Variants in ST6GAL1 observed in about 807,000 individuals in gnomAD.
ST6GAL1 encodes ST6 beta-galactoside alpha-2,6-sialyltransferase 1.
Under a neutral mutation model 38.0 loss-of-function variants are expected in ST6GAL1, and 20 were observed. That is an observed-to-expected ratio of 0.53 (90% CI 0.37 to 0.77). The LOEUF is 0.77. Ranked by LOEUF, ST6GAL1 falls within the 30% of genes least tolerant of loss-of-function variation. The probability of loss-of-function intolerance (pLI) is 0.00; values close to 1 mark genes in which losing one functional copy is unlikely to be tolerated. For missense variants in ST6GAL1, 432 were observed against 496.4 expected (o/e 0.87, Z 1.23); for synonymous variants, 196 against 188.2 (o/e 1.04, Z -0.34).
intron 2 of ST6GAL1, among the ~76,000 whole-genome samples, chr3:186,993,556 TTTTATTTATTTA>T (rs71167027): frequency 0.025 from 2,210 of 88,218 alleles, 40 homozygotes; most frequent in African/African-American, 0.056. Flanking sequence ...CTTGACAGAG[TTTTATTTATTTA>T]TTTATTTATT....
At position 187,076,116 on chromosome 3, in the gene ST6GAL1, C is replaced by A; in HGVS notation, c.*313C>A. On this transcript the variant is annotated 3_prime_UTR_variant, in exon 8 of 8. Coordinates refer to ENST00000169298, the MANE Select transcript of ST6GAL1 (RefSeq NM_173216.2). ...GGTCTATCTCTCCCATCAGGGCTGC[C>A]AAAGCTGGGCTTTGTTTTTCCCAGC... is the stretch of plus-strand genomic sequence containing the variant. The A allele has an allele frequency of 3.1e-6, 1 of 320,102 alleles. No individual in the cohort carries two copies. The highest frequency in any genetic ancestry group is 5.7e-5 in the South Asian group (1 of 17,524). The allele number at this position is 320,102 out of a possible 1,614,324, so 19.8% of individuals were successfully genotyped here.
At chr3:186,966,894 A>G (rs1715149558) in intron 2 of ST6GAL1, among the ~76,000 whole-genome samples, 1 of 152,212 alleles carries the variant, frequency 6.6e-6, no homozygotes, top group African/African-American at 2.4e-5. Context: ...GGAAGAGATT[A>G]TTCCTCTGGC....
In ST6GAL1 at chr3:187,005,510, C is replaced by T. The variant is rs1398147215; in HGVS notation, c.-182-33232C>T. ...CAGGATGGTCTCGATCTCCTGACCT[C>T]GTGATCTGCCCGCCTCGGCCTCCCA... is the stretch of plus-strand genomic sequence containing the variant. On this transcript the variant is annotated intron_variant, in intron 2 of 7. Coordinates refer to ENST00000169298, the MANE Select transcript of ST6GAL1 (RefSeq NM_173216.2). 2.6e-5 allele frequency among the ~76,000 whole-genome samples: 4 copies of T among 151,874 alleles called. 1 individual carries two copies. The highest frequency in any genetic ancestry group is 1.9e-4 in the East Asian group (1 of 5,168).
At position 186,977,636 on chromosome 3, in the gene ST6GAL1, C is replaced by T. The variant is rs554812703; in HGVS notation, c.-183+13710C>T. On this transcript the variant is annotated intron_variant, in intron 2 of 7. Transcript: ENST00000169298. ...GGCAACTTGGAAGGAACTGATCAGT[C>T]TCACGCAGGAGACACAGCCGTCCTC... Among the ~76,000 whole-genome samples the T allele has an allele frequency of 7.7e-4, 118 of 152,300 alleles. 6 individuals carry two copies. The South Asian group carries it at 0.023, about 30-fold the overall frequency.
chr3:187,069,606 T>C (rs1390960934), intron 5 of ST6GAL1, among the ~76,000 whole-genome samples: 1 of 152,214 alleles, frequency 6.6e-6, no homozygotes, highest in Non-Finnish European at 1.5e-5. Context: ...AGGAGCTTCT[T>C]TGTGGTCTTC....
In ST6GAL1 at chr3:187,043,102, C is replaced by T. The variant is rs1474451327; in HGVS notation, c.399C>T (p.Ile133=). The change falls in exon 4 of 8, where the codon ATC becomes ATT. Residue 133 remains isoleucine, a synonymous_variant. Coordinates refer to ENST00000169298, the MANE Select transcript of ST6GAL1 (RefSeq NM_173216.2). Reference sequence around the variant, plus strand: ...CCTACAAGGGGCCAGGACCAGGCATCAAGTTCAGTGCAGAGGCCCTGCGCT... The same window carrying T: ...CCTACAAGGGGCCAGGACCAGGCATTAAGTTCAGTGCAGAGGCCCTGCGCT... The part of the protein sequence containing the change: ...KVSYKGPGPG[I]KFSAEALRCH... The T allele has an allele frequency of 6.2e-7, 1 of 1,614,218 alleles. No homozygotes were observed. Among genetic ancestry groups the T allele is most frequent in the Admixed American group, 1.7e-5 (1 of 60,028 alleles).
chr3:187,015,395 A>G (rs1362016794), intron 2 of ST6GAL1, among the ~76,000 whole-genome samples: 1 of 152,210 alleles, frequency 6.6e-6, no homozygotes, highest in Non-Finnish European at 1.5e-5. Context: ...ATGAGATAAA[A>G]TGCTAAGTGT....
intron 1 of ST6GAL1, among the ~76,000 whole-genome samples, chr3:186,961,650 C>T (rs539090473): frequency 1.2e-4 from 19 of 152,196 alleles, no homozygotes; most frequent in African/African-American, 4.6e-4. Flanking sequence ...ATGAGAGTGA[C>T]AGGGCATGAG....
At chr3:187,013,117 G>A (rs1318254910) in intron 2 of ST6GAL1, among the ~76,000 whole-genome samples, 2 of 152,206 alleles carry the variant, frequency 1.3e-5, no homozygotes, top group Non-Finnish European at 2.9e-5. Context: ...GACCTTTAGC[G>A]TCTTAAGTGT....
At chr3:187,009,690 A>G (rs747463797) in intron 2 of ST6GAL1, among the ~76,000 whole-genome samples, 14 of 152,118 alleles carry the variant, frequency 9.2e-5, no homozygotes, top group Non-Finnish European at 2.1e-4. Flanking sequence ...ATGTTTATGA[A>G]TTTATTTTTA....
chr3:186,984,232 G>A (rs1312723344), intron 2 of ST6GAL1, among the ~76,000 whole-genome samples: 1 of 152,146 alleles, frequency 6.6e-6, no homozygotes, highest in Admixed American at 6.5e-5. Flanking sequence ...GCAACCAGCT[G>A]GTCTAAGCCA....
At chr3:187,044,532 G>T (rs547391234) in intron 4 of ST6GAL1, among the ~76,000 whole-genome samples, 10 of 152,288 alleles carry the variant, frequency 6.6e-5, no homozygotes, top group South Asian at 4.1e-4. Flanking sequence ...TGTATTTTTG[G>T]TTTTTCTTGG....
intron 2 of ST6GAL1, among the ~76,000 whole-genome samples, chr3:187,034,162 A>C (rs533781752): frequency 6.6e-6 from 1 of 152,314 alleles, no homozygotes; most frequent in African/African-American, 2.4e-5. Context: ...TCTAGAAGAA[A>C]TGGACAAATT....
intron 2 of ST6GAL1, among the ~76,000 whole-genome samples, chr3:187,029,051 G>A (rs1427983281): frequency 6.9e-6 from 1 of 145,814 alleles, no homozygotes; most frequent in Admixed American, 7.1e-5. Flanking sequence ...GTGCCACTGT[G>A]TACTCCAGCC....
At position 187,078,269 on chromosome 3, in the gene ST6GAL1, A is replaced by C. The variant is rs1157012084; in HGVS notation, c.*2466A>C. 1 of 152,532 alleles carries C rather than the reference A, an allele frequency of 6.6e-6. No homozygotes were observed. Among genetic ancestry groups the C allele is most frequent in the Non-Finnish European group, 1.5e-5 (1 of 68,044 alleles). 9.4% of individuals were successfully genotyped at this position (152,532 alleles called of 1,614,324 possible). The stretch of plus-strand genomic sequence containing the variant: ...TATGTGGACACTTTGGTAAAATGCA[A>C]ATTATGATATGGACGTTATCATTGG... On this transcript the variant is annotated 3_prime_UTR_variant, in exon 8 of 8. Transcript: ENST00000169298.
At chr3:186,984,190 G>A (rs73187789) in intron 2 of ST6GAL1, among the ~76,000 whole-genome samples, 10,869 of 152,142 alleles carry the variant, frequency 0.071, 483 homozygotes, top group Non-Finnish European at 0.084. Flanking sequence ...TTCAAAGCAC[G>A]TCTAAAATAT....
intron 1 of ST6GAL1, among the ~76,000 whole-genome samples, chr3:186,937,243 G>A (rs961157592): frequency 2.6e-5 from 4 of 151,958 alleles, no homozygotes; most frequent in African/African-American, 9.7e-5. Flanking sequence ...TCAGCTGTTC[G>A]GCGTCTCCAA....
intron 2 of ST6GAL1, among the ~76,000 whole-genome samples, chr3:186,979,094 T>G (rs1041305084): frequency 1.2e-4 from 19 of 152,120 alleles, no homozygotes; most frequent in Non-Finnish European, 5.9e-5. Context: ...TGGGCCCTAT[T>G]TATTTCTGTA....
chr3:187,026,881 TA>T (rs1286802221), intron 2 of ST6GAL1, among the ~76,000 whole-genome samples: 1 of 151,862 alleles, frequency 6.6e-6, no homozygotes, highest in African/African-American at 2.4e-5. Context: ...CCATCTCTAC[TA>T]AAAACACAAA....
Sources: allele counts gnomAD v4.1 joint callset (sites outside exome capture counted in the v4.1 genomes callset), GRCh38; gene constraint gnomAD v4.1.1; transcripts MANE v1.5; gene names NCBI Gene and HGNC (gene_info 2026-07-23, HGNC 2026-07-21).